FAM107B: variants seen among roughly 807,000 people sequenced by gnomAD.
FAM107B encodes family with sequence similarity 107 member B.
Under a neutral mutation model 31.5 loss-of-function variants are expected in FAM107B, and 21 were observed. The observed-to-expected ratio is 0.67, with a 90% CI of 0.47 to 0.96. The LOEUF is 0.96. Ranked by LOEUF, FAM107B falls within the 40% of genes least tolerant of loss-of-function variation. The pLI, the probability that FAM107B is intolerant of heterozygous loss-of-function variation, is 0.00. For synonymous variants in FAM107B, 157 were observed against 141.5 expected, an observed-to-expected ratio of 1.11 and a Z score of -0.78; for missense variants, 452 against 377.1, an observed-to-expected ratio of 1.20 and a Z score of -1.64.
intron 1 of FAM107B, among the ~76,000 whole-genome samples, chr10:14,678,099 G>A (rs1369494136): frequency 6.6e-6 from 1 of 152,164 alleles, no homozygotes; most frequent in African/African-American, 2.4e-5. Context: ...GGAACCTGAC[G>A]ACAAGCCTAG....
intron 2 of FAM107B, among the ~76,000 whole-genome samples, chr10:14,558,945 AAGAGTAAC>A (rs1476426961): frequency 6.6e-6 from 1 of 152,160 alleles, no homozygotes; most frequent in Non-Finnish European, 1.5e-5. Flanking sequence ...GGGTCCAACA[AAGAGTAAC>A]AGAATTATAC....
chr10:14,552,356 C>T (rs929860878), intron 2 of FAM107B, among the ~76,000 whole-genome samples: 6 of 152,132 alleles, frequency 3.9e-5, no homozygotes, highest in Admixed American at 3.3e-4. Flanking sequence ...CTTCTCTGCA[C>T]AATTAGACTT....
At chr10:14,676,637 G>A (rs1221681951) in intron 1 of FAM107B, among the ~76,000 whole-genome samples, 6 of 152,060 alleles carry the variant, frequency 3.9e-5, no homozygotes, top group Non-Finnish European at 7.3e-5. Context: ...ACCTCCGTCT[G>A]AAGCTCTACC....
intron 2 of FAM107B, among the ~76,000 whole-genome samples, chr10:14,657,873 C>T (rs567966565): frequency 9.2e-5 from 14 of 151,904 alleles, no homozygotes; most frequent in East Asian, 5.8e-4. Context: ...TGCAGTGGCG[C>T]GATCCCAGCT....
At chr10:14,747,708 A>G (rs896719022) in intron 1 of FAM107B, among the ~76,000 whole-genome samples, 1 of 152,204 alleles carries the variant, frequency 6.6e-6, no homozygotes, top group African/African-American at 2.4e-5. Flanking sequence ...CACCAAGCTA[A>G]TGCCAGCAGG....
intron 2 of FAM107B, among the ~76,000 whole-genome samples, chr10:14,563,542 C>T (rs899529080): frequency 2.6e-5 from 4 of 151,350 alleles, no homozygotes; most frequent in Non-Finnish European, 5.9e-5. Context: ...ATTCCTCTAT[C>T]GTCCTATTCA....
intron 1 of FAM107B, among the ~76,000 whole-genome samples, chr10:14,710,456 ACACAC>A (rs1855619409): frequency 6.6e-6 from 1 of 151,730 alleles, no homozygotes; most frequent in Admixed American, 6.6e-5. Context: ...ACACACACAC[ACACAC>A]ACACACACAC....
chr10:14,534,333 T>C (rs947200766), intron 2 of FAM107B, among the ~76,000 whole-genome samples: 3 of 152,070 alleles, frequency 2.0e-5, no homozygotes, highest in Non-Finnish European at 4.4e-5. Flanking sequence ...GGGAGAACCA[T>C]GTGGGATCTG....
intron 2 of FAM107B, among the ~76,000 whole-genome samples, chr10:14,540,268 G>A (rs1344533125): frequency 6.6e-6 from 1 of 152,238 alleles, no homozygotes; most frequent in East Asian, 1.9e-4. Flanking sequence ...GGCCTGTCAG[G>A]TGTTTTTTCT....
intron 2 of FAM107B, among the ~76,000 whole-genome samples, chr10:14,532,979 T>C (rs746916965): frequency 3.3e-5 from 5 of 151,954 alleles, no homozygotes; most frequent in Admixed American, 2.0e-4. Flanking sequence ...GGATGAGGAA[T>C]GGCAAAGCGC....
intron 2 of FAM107B, among the ~76,000 whole-genome samples, chr10:14,566,242 AAC>A (rs1172671630): frequency 6.6e-6 from 1 of 152,188 alleles, no homozygotes; most frequent in Non-Finnish European, 1.5e-5. Flanking sequence ...ATAAGTAGGT[AAC>A]ACAGTGACTT....
intron 1 of FAM107B, among the ~76,000 whole-genome samples, chr10:14,674,940 C>T (rs116208012): frequency 0.034 from 5,182 of 152,030 alleles, 278 homozygotes; most frequent in African/African-American, 0.12. Flanking sequence ...GGTTTTGCCA[C>T]GTTGTGCTCC....
chr10:14,567,403 G>T (rs1046209343), intron 2 of FAM107B, among the ~76,000 whole-genome samples: 3 of 152,074 alleles, frequency 2.0e-5, no homozygotes, highest in South Asian at 4.1e-4. Context: ...AGGAGGGATG[G>T]GCTCAGTATG....
intron 1 of FAM107B, among the ~76,000 whole-genome samples, chr10:14,706,273 A>G (rs562840636): frequency 2.1e-4 from 32 of 152,172 alleles, no homozygotes; most frequent in African/African-American, 7.5e-4. Context: ...CCGTGGTGCA[A>G]TCATAACTCA....
chr10:14,765,104 TG>T (rs1370369866), intron 1 of FAM107B, among the ~76,000 whole-genome samples: 2 of 152,238 alleles, frequency 1.3e-5, no homozygotes, highest in Admixed American at 1.3e-4. Context: ...CTCTTCCCTT[TG>T]ACTCTCTCTC....
intron 1 of FAM107B, among the ~76,000 whole-genome samples, chr10:14,711,607 G>A (rs1402889034): frequency 6.6e-6 from 1 of 152,158 alleles, no homozygotes; most frequent in African/African-American, 2.4e-5. Context: ...TGATGAAATT[G>A]CCTAATGAGG....
intron 2 of FAM107B, among the ~76,000 whole-genome samples, chr10:14,571,272 T>A (rs530683081): frequency 8.5e-5 from 13 of 152,284 alleles, no homozygotes; most frequent in Non-Finnish European, 1.8e-4. Context: ...AACATATGCA[T>A]TTTTGGGGGT....
At chr10:14,654,374 C>T (rs1014248656) in intron 2 of FAM107B, among the ~76,000 whole-genome samples, 8 of 152,086 alleles carry the variant, frequency 5.3e-5, no homozygotes, top group African/African-American at 1.4e-4. Context: ...GAATATAGAC[C>T]GCATATTAAC....
chr10:14,542,379 T>C (rs1458252593), intron 2 of FAM107B, among the ~76,000 whole-genome samples: 1 of 152,100 alleles, frequency 6.6e-6, no homozygotes, highest in Non-Finnish European at 1.5e-5. Flanking sequence ...CTCCTCAGTG[T>C]TTCCCCTTTA....
Sources: gnomAD v4.1 joint callset for allele counts (sites outside exome capture counted in the v4.1 genomes callset) on GRCh38, gnomAD v4.1.1 for gene constraint, MANE v1.5 for transcripts, NCBI Gene and HGNC (gene_info 2026-07-23, HGNC 2026-07-21) for gene names.